SCMH1: variants seen among roughly 807,000 people sequenced by gnomAD.
SCMH1 encodes the protein polycomb protein SCMH1.
SCMH1 carries 37 observed loss-of-function variants against 70.8 expected under a neutral mutation model. The observed-to-expected ratio is 0.52, with a 90% CI of 0.40 to 0.69. The LOEUF is 0.69. SCMH1 is among the 30% of genes least tolerant of loss of function. SCMH1 has a pLI of 0.00. For synonymous variants in SCMH1, 292 were observed against 307.4 expected (o/e 0.95, Z 0.52); for missense variants, 607 against 827.3 (o/e 0.73, Z 3.27).
At chr1:41,070,319 AG>A (rs1656042597) in intron 10 of SCMH1, among the ~76,000 whole-genome samples, 1 of 152,300 alleles carries the variant, frequency 6.6e-6, no homozygotes, top group African/African-American at 2.4e-5. Context: ...ATCACTCAGA[AG>A]GAACACCCCT....
intron 2 of SCMH1, 53 bp from the exon 3 acceptor site, chr1:41,161,485 C>G (rs1172431404): frequency 1.3e-6 from 2 of 1,508,510 alleles, no homozygotes; most frequent in Admixed American, 2.5e-5. Context: ...AGATTAAATA[C>G]TTTTCCAATT....
At chr1:41,189,142 T>TTTG (rs879910780) in intron 1 of SCMH1, among the ~76,000 whole-genome samples, 2 of 152,264 alleles carry the variant, frequency 1.3e-5, no homozygotes, top group East Asian at 1.9e-4. Context: ...ACAAGTTTTT[T>TTTG]TTGTTGTTGT....
At chr1:41,111,550 A>T (rs1156504139) in intron 8 of SCMH1, among the ~76,000 whole-genome samples, 1 of 152,212 alleles carries the variant, frequency 6.6e-6, no homozygotes, top group Non-Finnish European at 1.5e-5. Flanking sequence ...CATGTTGGCC[A>T]GGGTGGTCTC....
chr1:41,240,377 G>A (rs1284467430), intron 1 of SCMH1, among the ~76,000 whole-genome samples: 2 of 152,190 alleles, frequency 1.3e-5, no homozygotes, highest in Admixed American at 6.5e-5. Context: ...GAGTTGCTTA[G>A]GCAAGAGTTT....
At chr1:41,223,687 A>T (rs1415665473) in intron 1 of SCMH1, among the ~76,000 whole-genome samples, 1 of 152,106 alleles carries the variant, frequency 6.6e-6, no homozygotes, top group African/African-American at 2.4e-5. Context: ...GCTAATTTCC[A>T]GCGCCATCTT....
At chr1:41,149,707 CTAAGGT>C (rs1264366393) in intron 5 of SCMH1, among the ~76,000 whole-genome samples, 2 of 152,162 alleles carry the variant, frequency 1.3e-5, no homozygotes, top group Non-Finnish European at 2.9e-5. Context: ...AATACTCAGG[CTAAGGT>C]TAATTATTTT....
chr1:41,115,186 C>T (rs998675787), intron 7 of SCMH1, among the ~76,000 whole-genome samples: 3 of 152,076 alleles, frequency 2.0e-5, no homozygotes, highest in Non-Finnish European at 4.4e-5. Context: ...CCAACTTATT[C>T]GATACTGATT....
chr1:41,048,961 T>G, intron 10 of SCMH1, 71 bp from the exon 11 acceptor site: 3 of 1,384,832 alleles, frequency 2.2e-6, no homozygotes, highest in Non-Finnish European at 3.0e-6. Context: ...CAGCATCCTA[T>G]TCCATCTTTT....
At chr1:41,093,075 T>C (rs1300784492) in intron 8 of SCMH1, among the ~76,000 whole-genome samples, 1 of 152,032 alleles carries the variant, frequency 6.6e-6, no homozygotes, top group Non-Finnish European at 1.5e-5. Context: ...CACGCACACA[T>C]ATGTTTATTG....
chr1:41,093,326 G>A (rs1664160463), intron 8 of SCMH1, among the ~76,000 whole-genome samples: 1 of 143,570 alleles, frequency 7.0e-6, no homozygotes, highest in African/African-American at 2.6e-5. Flanking sequence ...TCAACAATGA[G>A]ATCACTTGGA....
rs530937054 is a variant in SCMH1 at position 41,232,966 on chromosome 1, C to A, written c.-118+9093G>T. On this transcript the variant is annotated intron_variant, in intron 1 of 14. Transcript: ENST00000337495. ...CTCAAATGTTTGATGATTCTTCCAT[C>A]AGATATCCAGGACCAAGAGTCAAGA... Among the ~76,000 whole-genome samples, 125 of 152,312 alleles carry A rather than the reference C, an allele frequency of 8.2e-4. 4 individuals carry two copies. In the South Asian group the frequency reaches 0.021, roughly 26 times the overall value.
chr1:41,121,083 T>C (rs1479222709), intron 6 of SCMH1, among the ~76,000 whole-genome samples: 1 of 152,104 alleles, frequency 6.6e-6, no homozygotes, highest in African/African-American at 2.4e-5. Flanking sequence ...TTTTGGAAAA[T>C]TACAAAACCT....
intron 10 of SCMH1, among the ~76,000 whole-genome samples, chr1:41,050,168 G>A (rs1056624937): frequency 6.6e-6 from 1 of 152,164 alleles, no homozygotes; most frequent in Admixed American, 6.5e-5. Context: ...ACAGGAGACC[G>A]AGGCAGTCCT....
At chr1:41,029,274 G>A (rs1644180769) in intron 13 of SCMH1, among the ~76,000 whole-genome samples, 2 of 152,140 alleles carry the variant, frequency 1.3e-5, no homozygotes, top group Non-Finnish European at 2.9e-5. Context: ...GTGCAGTGGC[G>A]CCATCTCAGC....
chr1:41,213,848 G>A (rs550805978), intron 1 of SCMH1, among the ~76,000 whole-genome samples: 3 of 152,004 alleles, frequency 2.0e-5, no homozygotes, highest in African/African-American at 7.2e-5. Flanking sequence ...TAGGACAGGT[G>A]AGGAAAAGAC....
At chr1:41,231,722 G>A (rs1223366269) in intron 1 of SCMH1, among the ~76,000 whole-genome samples, 1 of 152,114 alleles carries the variant, frequency 6.6e-6, no homozygotes, top group Non-Finnish European at 1.5e-5. Flanking sequence ...CAGTTTTGTG[G>A]AGTATTAGAA....
At chr1:41,037,636 A>G in intron 12 of SCMH1, 95 bp from the exon 13 acceptor site, 1 of 1,134,686 alleles carries the variant, frequency 8.8e-7, no homozygotes, top group Non-Finnish European at 1.3e-6. Context: ...GCAACAACAG[A>G]GAAAGCCCTG....
chr1:41,092,207 G>A (rs1663760804), intron 8 of SCMH1, among the ~76,000 whole-genome samples: 1 of 152,132 alleles, frequency 6.6e-6, no homozygotes, highest in Admixed American at 6.5e-5. Flanking sequence ...AGAGCCCTTG[G>A]AAGTAATACC....
chr1:41,031,432 G>A (rs757307081), intron 13 of SCMH1, among the ~76,000 whole-genome samples: 1 of 152,024 alleles, frequency 6.6e-6, no homozygotes, highest in Non-Finnish European at 1.5e-5. Flanking sequence ...TCTGGGTCCC[G>A]GGCCTAAAAA....
Sources: gnomAD v4.1 joint callset for allele counts (sites outside exome capture counted in the v4.1 genomes callset) on GRCh38, gnomAD v4.1.1 for gene constraint, MANE v1.5 for transcripts, NCBI Gene and HGNC (gene_info 2026-07-23, HGNC 2026-07-21) for gene names.